Variants in ERAP1 observed in about 807,000 individuals in gnomAD.
ERAP1 encodes the protein endoplasmic reticulum aminopeptidase 1.
A neutral mutation model predicts 103.7 loss-of-function variants in ERAP1; 86 were observed. The observed-to-expected ratio is 0.83, with a 90% CI of 0.70 to 0.99. The LOEUF is 0.99. ERAP1 is among the 50% of genes least tolerant of loss of function. The pLI, the probability that ERAP1 is intolerant of heterozygous loss-of-function variation, is 0.00. For synonymous variants in ERAP1, 398 were observed against 402.4 expected (o/e 0.99, Z 0.13); for missense variants, 1,009 against 1,128.4 (o/e 0.89, Z 1.52).
intron 12 of ERAP1, 118 bp from the exon 13 acceptor site, chr5:96,786,089 A>G (rs1775954884): frequency 2.1e-6 from 2 of 938,432 alleles, no homozygotes; most frequent in East Asian, 5.2e-5. Context: ...ATTTGAAAAC[A>G]TCACTTATTT....
At chr5:96,842,338 T>C in the ERAP1 span, among the ~76,000 whole-genome samples, 1 of 152,214 alleles carries the variant, frequency 6.6e-6, no homozygotes, top group African/African-American at 2.4e-5. Flanking sequence ...GTTGATCTAC[T>C]TTTAGTTCTT....
At chr5:96,798,871 CTT>C (rs10646647) in intron 3 of ERAP1, among the ~76,000 whole-genome samples, 5 of 124,842 alleles carry the variant, frequency 4.0e-5, no homozygotes, top group Non-Finnish European at 4.9e-5. Context: ...CAAAAATTTC[CTT>C]TTTTTTTTTT....
chr5:96,850,721 C>T, the ERAP1 span, among the ~76,000 whole-genome samples: 1 of 152,044 alleles, frequency 6.6e-6, no homozygotes, highest in Non-Finnish European at 1.5e-5. Context: ...CAAAACATCA[C>T]ATTATACCCC....
chr5:96,857,563 A>T, the ERAP1 span, among the ~76,000 whole-genome samples: 7,410 of 152,314 alleles, frequency 0.049, 220 homozygotes, highest in South Asian at 0.11. Flanking sequence ...ATTATCATCA[A>T]TCCCATTTTA....
the ERAP1 span, among the ~76,000 whole-genome samples, chr5:96,813,650 CAAAAAAAAAAA>C: frequency 7.3e-5 from 4 of 55,160 alleles, no homozygotes; most frequent in Non-Finnish European, 9.9e-5. Context: ...AGACTCATCT[CAAAAAAAAAAA>C]AAAAAAAAAA....
chr5:96,917,481 CT>C, the ERAP1 span: 3 of 1,602,558 alleles, frequency 1.9e-6, no homozygotes, highest in Non-Finnish European at 2.6e-6. Context: ...TTTTTTGAAT[CT>C]CTTGAGGCTC....
At chr5:96,828,118 A>G in the ERAP1 span, among the ~76,000 whole-genome samples, 3 of 152,212 alleles carry the variant, frequency 2.0e-5, no homozygotes, top group South Asian at 2.1e-4. Flanking sequence ...AAATTTTCTA[A>G]TAAGTAAACA....
the ERAP1 span, among the ~76,000 whole-genome samples, chr5:96,912,205 G>A: frequency 0.49 from 62,099 of 125,842 alleles, 15,753 homozygotes; most frequent in South Asian, 0.53. Context: ...AAAAAAAAAA[G>A]AAAAGAAAAG....
the ERAP1 span, chr5:96,900,269 C>G: frequency 6.6e-7 from 1 of 1,518,074 alleles, no homozygotes; most frequent in Non-Finnish European, 8.8e-7. Flanking sequence ...ACAGAGTAGC[C>G]CACCTGTCCC....
At chr5:96,907,163 G>A in the ERAP1 span, among the ~76,000 whole-genome samples, 13 of 152,240 alleles carry the variant, frequency 8.5e-5, no homozygotes, top group East Asian at 2.5e-3. Flanking sequence ...TTGAGCTAAG[G>A]TTTATGTTTA....
the ERAP1 span, among the ~76,000 whole-genome samples, chr5:96,916,723 C>T: frequency 1.3e-5 from 2 of 151,224 alleles, no homozygotes; most frequent in Non-Finnish European, 2.9e-5. Context: ...CCACTTTGGC[C>T]TCCCGAAGTG....
intron 19 of ERAP1, chr5:96,767,417 A>G (rs1009528709): frequency 6.2e-7 from 1 of 1,604,360 alleles, no homozygotes; most frequent in Non-Finnish European, 8.5e-7. Context: ...TGCTTAACCA[A>G]TAGTCTGCCT....
Position 96,775,217 on chromosome 5 carries a change from C to T in ERAP1, c.*1179G>A. ...CTATTATTATCATCTATACATAAAA[C>T]CTGAGCAGCAACTGTGTGCTGAAGC... is the stretch of plus-strand genomic sequence containing the variant. On this transcript the variant is annotated 3_prime_UTR_variant, in exon 19 of 19. Transcript: ENST00000443439. 2.0e-6 allele frequency: 2 copies of T among 985,514 alleles called. No individual in the cohort carries two copies. Among genetic ancestry groups the T allele is most frequent in the Non-Finnish European group, 2.4e-6 (2 of 829,916 alleles). The allele number at this position is 985,514 out of a possible 1,614,324, so 61.0% of individuals were successfully genotyped here. A position where few individuals can be genotyped will look rare whatever the true frequency, so the allele number is the denominator to read the frequency against.
chr5:96,839,632 T>C, the ERAP1 span, among the ~76,000 whole-genome samples: 1 of 152,226 alleles, frequency 6.6e-6, no homozygotes, highest in East Asian at 1.9e-4. Context: ...GGGCCCCGCA[T>C]GATCATTTTC....
At chr5:96,890,824 A>G in the ERAP1 span, among the ~76,000 whole-genome samples, 48 of 151,840 alleles carry the variant, frequency 3.2e-4, no homozygotes, top group African/African-American at 1.1e-3. Context: ...ACTAAATCCC[A>G]TTTATATGTA....
At chr5:96,915,849 A>G in the ERAP1 span, 1 of 1,208,244 alleles carries the variant, frequency 8.3e-7, no homozygotes, top group Non-Finnish European at 1.2e-6. Context: ...ATATAATCTG[A>G]TTTGAAGTTC....
At chr5:96,863,156 C>G in the ERAP1 span, among the ~76,000 whole-genome samples, 1 of 152,110 alleles carries the variant, frequency 6.6e-6, no homozygotes, top group Non-Finnish European at 1.5e-5. Context: ...CCCCTGCCCC[C>G]ACCTTCACTC....
At chr5:96,838,090 G>C in the ERAP1 span, among the ~76,000 whole-genome samples, 3,157 of 152,238 alleles carry the variant, frequency 0.021, 55 homozygotes, top group Non-Finnish European at 0.036. Context: ...TTTGGGAAAG[G>C]CAACATTTGA....
the ERAP1 span, among the ~76,000 whole-genome samples, chr5:96,828,813 A>G: frequency 6.6e-6 from 1 of 152,188 alleles, no homozygotes; most frequent in Admixed American, 6.5e-5. Flanking sequence ...TACTGGCAAT[A>G]AAAGTCAATT....
Sources: gnomAD v4.1 joint callset for allele counts (sites outside exome capture counted in the v4.1 genomes callset) on GRCh38, gnomAD v4.1.1 for gene constraint, MANE v1.5 for transcripts, NCBI Gene and HGNC (gene_info 2026-07-23, HGNC 2026-07-21) for gene names.